Variants in DAW1 observed in about 807,000 individuals in gnomAD.
DAW1 encodes the protein dynein assembly factor with WD repeats 1.
DAW1 carries 47 observed loss-of-function variants against 56.5 expected under a neutral mutation model. The observed-to-expected ratio is 0.83, with a 90% CI of 0.66 to 1.06. The LOEUF is 1.06. Among genes scored for constraint, DAW1 ranks in the 50% least tolerant of loss-of-function variants. DAW1 has a pLI of 0.00. For synonymous variants in DAW1, 190 were observed against 179.0 expected (o/e 1.06, Z -0.49); for missense variants, 505 against 499.3 (o/e 1.01, Z -0.11).
At chr2:227,891,003 A>T (rs1691249996) in intron 3 of DAW1, among the ~76,000 whole-genome samples, 1 of 152,270 alleles carries the variant, frequency 6.6e-6, no homozygotes, top group South Asian at 2.1e-4. Context: ...ATCTTTATTG[A>T]AACATATTTA....
Position 227,903,029 on chromosome 2 carries a change from AC to A in DAW1, c.569del (p.Thr190AsnfsTer26). ...IVCLSFNPQS[T>X]LVATGSMDTT... ...GTGTTTATCATTTAACCCTCAAAGC[AC>A]ATTGGTGGCGACTGGAAGTATGGAC... On this transcript the variant is annotated frameshift_variant, in exon 7 of 13. Transcript: ENST00000309931. LOFTEE classifies it high-confidence loss of function. 1 of 1,614,146 alleles carries A rather than the reference AC, an allele frequency of 6.2e-7. No homozygotes were observed. Among genetic ancestry groups the A allele is most frequent in the Non-Finnish European group, 8.5e-7 (1 of 1,180,020 alleles).
At chr2:227,916,477 C>T (rs528240782) in intron 10 of DAW1, among the ~76,000 whole-genome samples, 1 of 152,050 alleles carries the variant, frequency 6.6e-6, no homozygotes, top group African/African-American at 2.4e-5. Context: ...TTGATAGTCA[C>T]GTATTATGAA....
intron 5 of DAW1, among the ~76,000 whole-genome samples, chr2:227,895,067 T>A (rs1691374864): frequency 6.6e-6 from 1 of 152,218 alleles, no homozygotes. Flanking sequence ...GTGGAGGAGA[T>A]CAATGTTCAA....
chr2:227,908,898 A>T (rs1009830863), intron 10 of DAW1, among the ~76,000 whole-genome samples: 5 of 152,178 alleles, frequency 3.3e-5, no homozygotes, highest in Admixed American at 6.5e-5. Context: ...GATACAGATG[A>T]TGCTAAACTA....
chr2:227,901,039 G>C (rs1346850474), intron 6 of DAW1, among the ~76,000 whole-genome samples: 1 of 152,200 alleles, frequency 6.6e-6, no homozygotes, highest in Non-Finnish European at 1.5e-5. Context: ...ATGATCAGCT[G>C]TGCTCTTTGG....
At chr2:227,881,203 A>T (rs1306202085) in intron 1 of DAW1, among the ~76,000 whole-genome samples, 2 of 152,254 alleles carry the variant, frequency 1.3e-5, no homozygotes, top group Non-Finnish European at 2.9e-5. Context: ...ATTTGAGGAC[A>T]GTCTTCCCAT....
intron 6 of DAW1, 50 bp downstream of exon 6, chr2:227,898,331 T>G: frequency 1.0e-6 from 1 of 988,182 alleles, no homozygotes; most frequent in East Asian, 5.8e-5. Flanking sequence ...ATATATATTA[T>G]TTTCTTTGAG....
intron 1 of DAW1, among the ~76,000 whole-genome samples, chr2:227,876,146 G>C (rs1261537116): frequency 6.6e-6 from 1 of 152,054 alleles, no homozygotes; most frequent in African/African-American, 2.4e-5. Flanking sequence ...CTCCTGAGTA[G>C]CTGGGACTAC....
In DAW1 at chr2:227,907,349, C is replaced by A. The variant is rs918484361; in HGVS notation, c.973+97C>A. On this transcript the variant is annotated intron_variant, in intron 10 of 12. Coordinates refer to ENST00000309931, the MANE Select transcript of DAW1 (RefSeq NM_178821.3). ...CACTATGGGTCATTTCTTTGATGAC[C>A]AGCTATGATAAAAAACCATGTCTCA... The A allele has an allele frequency of 1.2e-5, 11 of 949,146 alleles. 1 individual carries two copies. Among genetic ancestry groups the A allele is most frequent in the South Asian group, 3.3e-5 (2 of 59,716 alleles). 58.8% of individuals were successfully genotyped at this position (949,146 alleles called of 1,614,324 possible). A position where few individuals can be genotyped will look rare whatever the true frequency, so the allele number is the denominator to read the frequency against.
chr2:227,881,575 T>C (rs768246454), intron 1 of DAW1, among the ~76,000 whole-genome samples: 1 of 152,166 alleles, frequency 6.6e-6, no homozygotes, highest in Admixed American at 6.6e-5. Flanking sequence ...AAATAAGCAC[T>C]GTTCATTGAG....
intron 6 of DAW1, among the ~76,000 whole-genome samples, chr2:227,900,057 G>A (rs1327357743): frequency 6.6e-6 from 1 of 152,194 alleles, no homozygotes; most frequent in African/African-American, 2.4e-5. Flanking sequence ...AAATACTGCA[G>A]TGAAACATAA....
intron 12 of DAW1, 150 bp from the exon 13 acceptor site, chr2:227,923,784 G>A: frequency 1.2e-6 from 1 of 843,540 alleles, no homozygotes; most frequent in Non-Finnish European, 1.9e-6. Context: ...TGCCTGAGCT[G>A]CTCAGAGACT....
intron 10 of DAW1, among the ~76,000 whole-genome samples, chr2:227,917,276 T>C (rs1360514596): frequency 1.3e-5 from 2 of 151,986 alleles, no homozygotes; most frequent in Non-Finnish European, 2.9e-5. Flanking sequence ...CTTTTTTTTT[T>C]TTTAGATGGA....
At chr2:227,905,921 A>AT (rs1691667766) in intron 8 of DAW1, among the ~76,000 whole-genome samples, 1 of 151,988 alleles carries the variant, frequency 6.6e-6, no homozygotes, top group Non-Finnish European at 1.5e-5. Flanking sequence ...CGCCTGGCTA[A>AT]TTTTTTGTAT....
intron 1 of DAW1, among the ~76,000 whole-genome samples, chr2:227,883,708 A>G (rs1384845847): frequency 1.3e-5 from 2 of 152,234 alleles, no homozygotes; most frequent in Non-Finnish European, 2.9e-5. Flanking sequence ...GCAGAAGCAG[A>G]GATGAGAATC....
chr2:227,886,317 A>G (rs752105075), intron 2 of DAW1, among the ~76,000 whole-genome samples: 2 of 152,182 alleles, frequency 1.3e-5, no homozygotes, highest in East Asian at 1.9e-4. Flanking sequence ...CATTCTCTTT[A>G]GTAAATCTAA....
intron 5 of DAW1, among the ~76,000 whole-genome samples, chr2:227,896,068 A>G (rs1468866210): frequency 6.6e-6 from 1 of 152,206 alleles, no homozygotes; most frequent in Admixed American, 6.5e-5. Context: ...TACCCTTTCA[A>G]AACATGTTAA....
chr2:227,879,152 A>T (rs1690952607), intron 1 of DAW1, among the ~76,000 whole-genome samples: 1 of 152,196 alleles, frequency 6.6e-6, no homozygotes, highest in African/African-American at 2.4e-5. Context: ...AATAGCTAAG[A>T]TGAGCCTCAT....
chr2:227,879,861 C>T (rs1208673842), intron 1 of DAW1, among the ~76,000 whole-genome samples: 1 of 151,666 alleles, frequency 6.6e-6, no homozygotes, highest in Non-Finnish European at 1.5e-5. Context: ...GAAATATTAC[C>T]TTCACTTTAT....
Sources: allele counts gnomAD v4.1 joint callset (sites outside exome capture counted in the v4.1 genomes callset), GRCh38; gene constraint gnomAD v4.1.1; transcripts MANE v1.5; gene names NCBI Gene and HGNC (gene_info 2026-07-23, HGNC 2026-07-21).